Variants in DPP10 observed in about 807,000 individuals in gnomAD.
The protein encoded by DPP10 is dipeptidyl peptidase like 10.
DPP10 carries 33 observed loss-of-function variants against 120.9 expected under a neutral mutation model. The ratio of observed to expected loss-of-function variants is 0.27; its 90% CI spans 0.21 to 0.37. DPP10 has a LOEUF of 0.37. DPP10 is among the 10% of genes least tolerant of loss of function. The pLI is 1.00. For missense variants in DPP10, 816 were observed against 942.8 expected (o/e 0.87, Z 1.76); for synonymous variants, 337 against 326.1 (o/e 1.03, Z -0.36).
At chr2:114,849,499 G>A (rs1688786527) in intron 1 of DPP10, among the ~76,000 whole-genome samples, 2 of 151,870 alleles carry the variant, frequency 1.3e-5, no homozygotes, top group South Asian at 4.2e-4. Flanking sequence ...GTCACACCTG[G>A]CTAATTTTTG....
Position 115,006,786 on chromosome 2 carries a change from A to G in DPP10, c.61-302453A>G, listed in dbSNP as rs571020202. Among the ~76,000 whole-genome samples the G allele has an allele frequency of 7.8e-3, 1,191 of 152,064 alleles. 14 individuals are homozygous for G. The highest frequency in any genetic ancestry group is 0.027 in the African/African-American group (1,113 of 41,466). ...TAATAATTGGAGACTTTAACACCCC[A>G]CTGTCAACATTAGACAGATCAATGA... On this transcript the variant is annotated intron_variant, in intron 1 of 25. Coordinates refer to ENST00000410059, the MANE Select transcript of DPP10 (RefSeq NM_020868.6).
chr2:115,677,343 A>G (rs1186162437), intron 5 of DPP10, among the ~76,000 whole-genome samples: 1 of 152,242 alleles, frequency 6.6e-6, no homozygotes, highest in African/African-American at 2.4e-5. Context: ...AAGATAAGCA[A>G]TAAGAGAGGA....
intron 7 of DPP10, among the ~76,000 whole-genome samples, chr2:115,699,539 T>A (rs2091789903): frequency 6.6e-6 from 1 of 152,102 alleles, no homozygotes; most frequent in Admixed American, 6.5e-5. Context: ...GAGGCAGAGG[T>A]TGCAGTGAGT....
rs149779230 is a variant in DPP10, at chr2:114,844,239, C to T, written c.60+401401C>T. 3.6e-3 allele frequency among the ~76,000 whole-genome samples: 541 copies of T among 152,184 alleles called. 7 individuals carry two copies. The highest frequency in any genetic ancestry group is 0.012 in the African/African-American group (503 of 41,520). On this transcript the variant is annotated intron_variant, in intron 1 of 25. Transcript: ENST00000410059. Reference sequence around the variant, plus strand: ...CTTTGTGCAGTGCTTTTATTCTTCACGCTTGATGTGTGGAACAACTCTGTG... The same window carrying T: ...CTTTGTGCAGTGCTTTTATTCTTCATGCTTGATGTGTGGAACAACTCTGTG...
At chr2:114,978,432 T>C (rs1042885364) in intron 1 of DPP10, among the ~76,000 whole-genome samples, 4 of 152,156 alleles carry the variant, frequency 2.6e-5, no homozygotes, top group Non-Finnish European at 5.9e-5. Context: ...CTGTACAGAT[T>C]AAAATCACAC....
intron 3 of DPP10, among the ~76,000 whole-genome samples, chr2:115,400,728 G>A (rs192545991): frequency 2.1e-4 from 32 of 152,272 alleles, no homozygotes; most frequent in Admixed American, 3.9e-4. Context: ...AGCAGAAAAC[G>A]AGTTAATAAA....
intron 3 of DPP10, among the ~76,000 whole-genome samples, chr2:115,483,093 C>A (rs1006713166): frequency 1.3e-5 from 2 of 151,970 alleles, no homozygotes; most frequent in Non-Finnish European, 2.9e-5. Context: ...TATCTGATAA[C>A]AGGATGAAAT....
In DPP10 at chr2:115,603,867, A is replaced by G. The variant is rs897704349; in HGVS notation, c.441+77895A>G. ...AGGCACTTATTATGTAGCAATCTTT[A>G]CAGACTCTATGCTTGCTGCAGAGTT... On this transcript the variant is annotated intron_variant, in intron 5 of 25. Coordinates refer to ENST00000410059, the MANE Select transcript of DPP10 (RefSeq NM_020868.6). 4.6e-5 allele frequency among the ~76,000 whole-genome samples: 7 copies of G among 152,274 alleles called. No homozygotes were observed. In the East Asian group the frequency reaches 1.3e-3, roughly 29 times the overall value.
intron 1 of DPP10, among the ~76,000 whole-genome samples, chr2:115,138,884 A>G (rs1478299420): frequency 2.0e-5 from 3 of 152,154 alleles, no homozygotes; most frequent in Non-Finnish European, 4.4e-5. Context: ...TATTTCCTTG[A>G]TTCACAGTCT....
chr2:114,990,099 A>G (rs923817568), intron 1 of DPP10, among the ~76,000 whole-genome samples: 1 of 152,176 alleles, frequency 6.6e-6, no homozygotes, highest in Non-Finnish European at 1.5e-5. Context: ...ATAGCTGAAT[A>G]ATCTTGCATT....
chr2:114,858,942 C>T lies in DPP10; in HGVS notation c.60+416104C>T, dbSNP rs1279772452. ...ACTCTCCCCACATGGAGTCTATCTGCATATCCCATCCTTTGTTTGTTACAA... is the reference window on the plus strand; with the variant it reads ...ACTCTCCCCACATGGAGTCTATCTGTATATCCCATCCTTTGTTTGTTACAA... On this transcript the variant is annotated intron_variant, in intron 1 of 25. Transcript: ENST00000410059. Among the ~76,000 whole-genome samples the T allele has an allele frequency of 1.3e-5, 2 of 152,132 alleles. 1 individual carries two copies. The highest frequency in any genetic ancestry group is 3.9e-4 in the East Asian group (2 of 5,180).
At position 114,557,000 on chromosome 2, in the gene DPP10, CTTTTT is replaced by C. The variant is rs59230198; in HGVS notation, c.60+114178_60+114182del. On this transcript the variant is annotated intron_variant, in intron 1 of 25. Transcript: ENST00000410059. ...GAGTGTCAACAGATAGCAAAGACAG[CTTTTT>C]TTTTTTTTTTTTTTTAAGAATTTTG... Among the ~76,000 whole-genome samples the C allele has an allele frequency of 1.4e-3, 198 of 138,728 alleles. 2 individuals carry two copies. Among genetic ancestry groups the C allele is most frequent in the Non-Finnish European group, 1.2e-3 (77 of 65,216 alleles). 91.0% of individuals were successfully genotyped at this position (138,728 alleles called of 152,430 possible).
chr2:114,981,439 A>T (rs766856603), intron 1 of DPP10, among the ~76,000 whole-genome samples: 5 of 152,248 alleles, frequency 3.3e-5, no homozygotes, highest in Non-Finnish European at 7.3e-5. Context: ...CATAAAAGAT[A>T]TACACATAAG....
intron 1 of DPP10, among the ~76,000 whole-genome samples, chr2:114,984,999 A>G (rs372945984): frequency 3.3e-5 from 5 of 152,304 alleles, no homozygotes; most frequent in African/African-American, 1.2e-4. Context: ...TCTCCTGACT[A>G]AAACTCATTT....
At chr2:114,988,761 A>G (rs1265978095) in intron 1 of DPP10, among the ~76,000 whole-genome samples, 1 of 152,222 alleles carries the variant, frequency 6.6e-6, no homozygotes, top group Non-Finnish European at 1.5e-5. Flanking sequence ...TCGTTAAATT[A>G]TAGAGTTTAT....
At chr2:114,542,048 C>CTTTTTTTTTTTTTTT (rs761961981) in intron 1 of DPP10, among the ~76,000 whole-genome samples, 2 of 122,202 alleles carry the variant, frequency 1.6e-5, no homozygotes, top group African/African-American at 3.1e-5. Flanking sequence ...TTCTTTCTTT[C>CTTTTTTTTTTTTTTT]CTTTTTTTTT....
chr2:115,603,948 A>C (rs922223409), intron 5 of DPP10, among the ~76,000 whole-genome samples: 1 of 152,190 alleles, frequency 6.6e-6, no homozygotes, highest in African/African-American at 2.4e-5. Flanking sequence ...TAAGAAAGAC[A>C]TACATTTCAA....
At chr2:115,448,705 A>G (rs1046167584) in intron 3 of DPP10, among the ~76,000 whole-genome samples, 8 of 152,138 alleles carry the variant, frequency 5.3e-5, no homozygotes, top group African/African-American at 1.4e-4. Flanking sequence ...GAATTCCTCA[A>G]TTTTCCTATG....
intron 3 of DPP10, among the ~76,000 whole-genome samples, chr2:115,366,967 C>T (rs531393586): frequency 3.9e-5 from 6 of 151,974 alleles, no homozygotes; most frequent in East Asian, 3.9e-4. Flanking sequence ...CCTTATATCC[C>T]GCAATATGTG....
Sources: gnomAD v4.1 joint callset for allele counts (sites outside exome capture counted in the v4.1 genomes callset) on GRCh38, gnomAD v4.1.1 for gene constraint, MANE v1.5 for transcripts, NCBI Gene and HGNC (gene_info 2026-07-23, HGNC 2026-07-21) for gene names.